Variants in CAMK2D observed in about 807,000 individuals in gnomAD.
CAMK2D encodes calcium/calmodulin-dependent protein kinase type II subunit delta.
A neutral mutation model predicts 84.0 loss-of-function variants in CAMK2D; 37 were observed. The observed-to-expected ratio is 0.44, with a 90% confidence interval of 0.34 to 0.58. CAMK2D has a LOEUF of 0.58. Ranked by LOEUF, CAMK2D falls within the 20% of genes least tolerant of loss-of-function variation. CAMK2D has a pLI of 0.02. For missense variants in CAMK2D, 448 were observed against 652.5 expected (o/e 0.69, Z 3.41); for synonymous variants, 202 against 212.5 (o/e 0.95, Z 0.43).
At chr4:113,603,970 T>C (rs571922427) in intron 4 of CAMK2D, among the ~76,000 whole-genome samples, 2 of 150,856 alleles carry the variant, frequency 1.3e-5, no homozygotes, top group East Asian at 1.9e-4. Flanking sequence ...AAGAAGAAAA[T>C]TTTTTCATAG....
At chr4:113,656,208 T>G (rs2099199410) in intron 3 of CAMK2D, among the ~76,000 whole-genome samples, 1 of 152,160 alleles carries the variant, frequency 6.6e-6, no homozygotes, top group Non-Finnish European at 1.5e-5. Context: ...TAATGTCAGC[T>G]ATAATCTTTC....
At chr4:113,621,276 ATTAAG>A (rs935459557) in intron 3 of CAMK2D, among the ~76,000 whole-genome samples, 1 of 151,592 alleles carries the variant, frequency 6.6e-6, no homozygotes, top group African/African-American at 2.4e-5. Context: ...ATGCATTTTA[ATTAAG>A]TTTTCTTCCT....
rs2099640837 is a variant in CAMK2D at position 113,761,241 on chromosome 4, G to A, written c.-173C>T. ...TGCGCAGGGGCGGGGCGGGAGGGGA[G>A]ATGACCAGAAAGGGTGGCGTGGGGT... On this transcript the variant is annotated 5_prime_UTR_variant, in exon 1 of 21. Transcript: ENST00000511664. 4 of 1,473,074 alleles carry A rather than the reference G, an allele frequency of 2.7e-6. No homozygotes were observed. In the South Asian group the frequency reaches 5.4e-5, roughly 20 times the overall value. The allele number at this position is 1,473,074 out of a possible 1,614,324, so 91.3% of individuals were successfully genotyped here.
chr4:113,470,695 C>A (rs886204498), intron 16 of CAMK2D, among the ~76,000 whole-genome samples: 1 of 151,710 alleles, frequency 6.6e-6, no homozygotes, highest in Admixed American at 6.6e-5. Context: ...CAGGTCCCCG[C>A]GATGTTATGA....
chr4:113,641,779 GGGT>G (rs2099133119), intron 3 of CAMK2D, among the ~76,000 whole-genome samples: 1 of 152,060 alleles, frequency 6.6e-6, no homozygotes, highest in African/African-American at 2.4e-5. Flanking sequence ...AGGCCGAGGT[GGGT>G]GGATCATCTG....
chr4:113,597,378 C>T (rs2098932015), intron 4 of CAMK2D, among the ~76,000 whole-genome samples: 1 of 152,196 alleles, frequency 6.6e-6, no homozygotes, highest in Admixed American at 6.5e-5. Context: ...GCTTCTCCAT[C>T]AGCTCTTGCT....
intron 2 of CAMK2D, among the ~76,000 whole-genome samples, chr4:113,747,485 T>C (rs577824453): frequency 1.3e-5 from 2 of 152,214 alleles, no homozygotes; most frequent in East Asian, 1.9e-4. Context: ...ACAATAGGCA[T>C]TCAAGCAGTT....
chr4:113,539,474 T>A (rs1419811455), intron 6 of CAMK2D, among the ~76,000 whole-genome samples: 5 of 152,260 alleles, frequency 3.3e-5, no homozygotes, highest in Non-Finnish European at 5.9e-5. Context: ...GAGTGTGTTT[T>A]CACTCTTATC....
chr4:113,623,453 C>G (rs1222063966), intron 3 of CAMK2D, among the ~76,000 whole-genome samples: 1 of 151,994 alleles, frequency 6.6e-6, no homozygotes, highest in African/African-American at 2.4e-5. Context: ...TACAGAGATA[C>G]ATGCTGAGAA....
rs1399939213 is a variant in CAMK2D, at chr4:113,529,450, A to G, written c.601+1766T>C. On this transcript the variant is annotated intron_variant, in intron 8 of 20. Transcript: ENST00000511664. ...TTCCAAGCTTGCTGACAAACACCAA[A>G]GGCACTGAAATCTGTCTGCAGCACA... 2.4e-4 allele frequency among the ~76,000 whole-genome samples: 36 copies of G among 152,200 alleles called. 1 individual carries two copies. Among genetic ancestry groups the G allele is most frequent in the Admixed American group, 2.4e-3 (36 of 15,264 alleles).
intron 4 of CAMK2D, among the ~76,000 whole-genome samples, chr4:113,583,743 ACTT>A (rs2098821544): frequency 1.3e-5 from 2 of 152,256 alleles, no homozygotes; most frequent in Non-Finnish European, 2.9e-5. Flanking sequence ...GATAGAATGT[ACTT>A]ACTGAAGTTA....
rs540384585 is a variant in CAMK2D at position 113,451,089 on chromosome 4, T to C, written c.*3456A>G. ...AATCACTCGAAAGCTGTGTCATCTA[T>C]GTTTACCCTTAAATTATAATTTTTT... On this transcript the variant is annotated 3_prime_UTR_variant, in exon 21 of 21. Coordinates refer to ENST00000511664, the MANE Select transcript of CAMK2D (RefSeq NM_001321571.2). 2 of 152,356 alleles carry C rather than the reference T, an allele frequency of 1.3e-5. No homozygotes were observed. Among genetic ancestry groups the C allele is most frequent in the East Asian group, 3.9e-4 (2 of 5,188 alleles). The allele number at this position is 152,356 out of a possible 1,614,324, so 9.4% of individuals were successfully genotyped here.
At chr4:113,552,799 A>G (rs1422071912) in intron 4 of CAMK2D, among the ~76,000 whole-genome samples, 1 of 152,236 alleles carries the variant, frequency 6.6e-6, no homozygotes, top group Non-Finnish European at 1.5e-5. Flanking sequence ...ACTGGGTGAA[A>G]GAGTACCCAC....
intron 1 of CAMK2D, among the ~76,000 whole-genome samples, chr4:113,759,659 G>A (rs142564941): frequency 2.6e-5 from 4 of 152,214 alleles, no homozygotes; most frequent in Admixed American, 6.5e-5. Context: ...AATTATGACC[G>A]CTCTTGTTTG....
chr4:113,692,969 G>GA (rs2099392653), intron 2 of CAMK2D, among the ~76,000 whole-genome samples: 1 of 152,060 alleles, frequency 6.6e-6, no homozygotes, highest in Non-Finnish European at 1.5e-5. Flanking sequence ...CAGAGTTCAT[G>GA]AAAGTTCTTA....
intron 19 of CAMK2D, chr4:113,456,470 T>G (rs2097304589): frequency 6.6e-6 from 1 of 151,806 alleles, no homozygotes; most frequent in African/African-American, 2.4e-5. Context: ...AACTAAATCC[T>G]GATATTGTAC....
chr4:113,454,271 A>G lies in CAMK2D; in HGVS notation c.*274T>C. On this transcript the variant is annotated 3_prime_UTR_variant, in exon 21 of 21. Coordinates refer to ENST00000511664, the MANE Select transcript of CAMK2D (RefSeq NM_001321571.2). ...ATATTGTGGATTTTTTTTTTTGTCT[A>G]ATCTCCCCCTATTGTTTTGCCAACA... 2.9e-6 allele frequency: 1 copy of G among 340,042 alleles called. No homozygotes were observed. The highest frequency in any genetic ancestry group is 5.3e-6 in the Non-Finnish European group (1 of 187,240). 21.1% of individuals were successfully genotyped at this position (340,042 alleles called of 1,614,324 possible).
chr4:113,589,216 T>C (rs1341774688), intron 4 of CAMK2D, among the ~76,000 whole-genome samples: 1 of 152,092 alleles, frequency 6.6e-6, no homozygotes, highest in East Asian at 1.9e-4. Context: ...ATAGGAACTC[T>C]CTGGCTACTG....
intron 20 of CAMK2D, among the ~76,000 whole-genome samples, chr4:113,454,790 CATT>C (rs953141833): frequency 6.6e-6 from 1 of 152,150 alleles, no homozygotes; most frequent in African/African-American, 2.4e-5. Flanking sequence ...TCTTCAGTCA[CATT>C]ATTAAATCTA....
Sources: gnomAD v4.1 joint callset for allele counts (sites outside exome capture counted in the v4.1 genomes callset) on GRCh38, gnomAD v4.1.1 for gene constraint, MANE v1.5 for transcripts, NCBI Gene and HGNC (gene_info 2026-07-23, HGNC 2026-07-21) for gene names.